SKI: variants seen among roughly 807,000 people sequenced by gnomAD.
SKI encodes ski oncogene.
SKI carries 23 observed loss-of-function variants against 59.3 expected under a neutral mutation model. The ratio of observed to expected loss-of-function variants is 0.39; its 90% confidence interval spans 0.28 to 0.55. The LOEUF (loss-of-function observed/expected upper bound fraction) is 0.55, where lower values mean the gene tolerates loss of function less well. Ranked by LOEUF, SKI falls within the 20% of genes least tolerant of loss-of-function variation. The probability of loss-of-function intolerance (pLI) is 0.67; values close to 1 mark genes in which losing one functional copy is unlikely to be tolerated. For missense variants in SKI, 1,017 were observed against 1,038.9 expected (o/e 0.98, Z 0.29); for synonymous variants, 673 against 488.6 (o/e 1.38, Z -4.98).
At chr1:2,252,844 C>T (rs1176702683) in intron 1 of SKI, among the ~76,000 whole-genome samples, 1 of 152,112 alleles carries the variant, frequency 6.6e-6, no homozygotes, top group East Asian at 1.9e-4. Context: ...CCTGTAATCC[C>T]AGCACTTTTG....
At chr1:2,279,962 G>A (rs1639835738) in intron 1 of SKI, among the ~76,000 whole-genome samples, 1 of 152,144 alleles carries the variant, frequency 6.6e-6, no homozygotes, top group Non-Finnish European at 1.5e-5. Context: ...GTTAAAACAT[G>A]GGTTAAATTG....
intron 1 of SKI, among the ~76,000 whole-genome samples, chr1:2,291,242 G>T (rs1341446440): frequency 6.6e-6 from 1 of 152,256 alleles, no homozygotes. Context: ...ATTCGCCCCA[G>T]TGTGTCCCCT....
At position 2,289,202 on chromosome 1, in the gene SKI, T is replaced by C. The variant is rs561051714; in HGVS notation, c.970-13776T>C. 8.5e-5 allele frequency among the ~76,000 whole-genome samples: 13 copies of C among 152,274 alleles called. No individual in the cohort carries two copies. The South Asian group carries it at 2.1e-3, about 24-fold the overall frequency. On this transcript the variant is annotated intron_variant, in intron 1 of 6. Coordinates refer to ENST00000378536, the MANE Select transcript of SKI (RefSeq NM_003036.4). Reference sequence around the variant, plus strand: ...GGCTAGAGATGCAGCTCCTCTGTTATGTTGAGCCTCTCTAGGCAGGGAGCT... The same window carrying C: ...GGCTAGAGATGCAGCTCCTCTGTTACGTTGAGCCTCTCTAGGCAGGGAGCT...
At chr1:2,262,852 C>T (rs1639417705) in intron 1 of SKI, among the ~76,000 whole-genome samples, 1 of 152,062 alleles carries the variant, frequency 6.6e-6, no homozygotes, top group Non-Finnish European at 1.5e-5. Context: ...GGGATAGCCC[C>T]CCTTCAGTCG....
Position 2,306,587 on chromosome 1 carries a change from T to G in SKI, c.2009T>G (p.Leu670Arg), listed in dbSNP as rs1060502673. Residue 670 changes from leucine (L) to arginine (R), a missense_variant, in exon 7 of 7, where the codon CTG (leucine) becomes CGG (arginine). Coordinates refer to ENST00000378536, the MANE Select transcript of SKI (RefSeq NM_003036.4). ...TCGGCTCCCTTTCAGATCGAAGACCTGCAGGTGAAGCTGCAGCACGCGGAG... is the reference window on the plus strand; with the variant it reads ...TCGGCTCCCTTTCAGATCGAAGACCGGCAGGTGAAGCTGCAGCACGCGGAG... ...RAKYSAQIED[L>R]QVKLQHAEAD... The G allele has an allele frequency of 1.9e-6, 3 of 1,542,918 alleles. No individual in the cohort carries two copies. Among genetic ancestry groups the G allele is most frequent in the Non-Finnish European group, 2.6e-6 (3 of 1,145,480 alleles).
intron 1 of SKI, among the ~76,000 whole-genome samples, chr1:2,284,083 G>A (rs372944508): frequency 2.6e-5 from 4 of 152,102 alleles, no homozygotes; most frequent in African/African-American, 4.8e-5. Context: ...GCCATCCCCC[G>A]TCCATGAATG....
At chr1:2,283,820 G>A (rs1203951265) in intron 1 of SKI, among the ~76,000 whole-genome samples, 1 of 152,236 alleles carries the variant, frequency 6.6e-6, no homozygotes, top group Non-Finnish European at 1.5e-5. Context: ...ATGTTGTGTC[G>A]GTTTTCATGG....
At chr1:2,295,702 C>T (rs994659570) in intron 1 of SKI, among the ~76,000 whole-genome samples, 1 of 151,674 alleles carries the variant, frequency 6.6e-6, no homozygotes, top group Non-Finnish European at 1.5e-5. Context: ...GACTGTGTGT[C>T]CGGGCCACGT....
At chr1:2,290,986 T>TGGCA (rs1640150928) in intron 1 of SKI, among the ~76,000 whole-genome samples, 1 of 152,138 alleles carries the variant, frequency 6.6e-6, no homozygotes, top group African/African-American at 2.4e-5. Context: ...TTGGCGAGGG[T>TGGCA]GGCAGGCAGC....
At chr1:2,235,245 T>C (rs1470935682) in intron 1 of SKI, among the ~76,000 whole-genome samples, 2 of 152,286 alleles carry the variant, frequency 1.3e-5, no homozygotes, top group Middle Eastern at 3.4e-3. Context: ...GGTTTCACCA[T>C]GTTGGCCAGC....
chr1:2,256,216 C>CTG (rs1419979353), intron 1 of SKI, among the ~76,000 whole-genome samples: 2 of 151,878 alleles, frequency 1.3e-5, no homozygotes, highest in Non-Finnish European at 1.5e-5. Context: ...CTGGAGCACT[C>CTG]TGTCCTGACC....
chr1:2,306,504 C>G, intron 6 of SKI, 73 bp from the exon 7 acceptor site: 2 of 1,451,508 alleles, frequency 1.4e-6, no homozygotes, highest in Non-Finnish European at 1.9e-6. Context: ...GCAGGAGCCT[C>G]GGGTGGGGGA....
Position 2,278,778 on chromosome 1 carries a change from C to A in SKI, c.970-24200C>A, listed in dbSNP as rs116423318. 2.6e-5 allele frequency among the ~76,000 whole-genome samples: 4 copies of A among 152,160 alleles called. No homozygotes were observed. In the South Asian group the frequency reaches 6.2e-4, roughly 24 times the overall value. On this transcript the variant is annotated intron_variant, in intron 1 of 6. Coordinates refer to ENST00000378536, the MANE Select transcript of SKI (RefSeq NM_003036.4). Reference sequence around the variant, plus strand: ...CTGGATGCCGTGGCCTGCAGACCCCCCTTCTTGCAGTCCCTGGGCAGGCAG... The same window carrying A: ...CTGGATGCCGTGGCCTGCAGACCCCACTTCTTGCAGTCCCTGGGCAGGCAG...
chr1:2,302,924 AG>A, intron 1 of SKI, 53 bp from the exon 2 acceptor site: 3 of 1,612,118 alleles, frequency 1.9e-6, no homozygotes, highest in Non-Finnish European at 2.5e-6. Context: ...GGGCTGGTGG[AG>A]GGACCCTGCC....
chr1:2,230,720 TC>T, intron 1 of SKI, among the ~76,000 whole-genome samples: 1 of 152,324 alleles, frequency 6.6e-6, no homozygotes, highest in East Asian at 1.9e-4. Context: ...TTGTAACTTT[TC>T]TTTTAAATAT....
rs1553201577 is a variant in SKI, at chr1:2,306,749, C to T, written c.2171C>T (p.Ala724Val). 1.3e-6 allele frequency: 2 copies of T among 1,523,896 alleles called. No individual in the cohort carries two copies. The highest frequency in any genetic ancestry group is 1.4e-5 in the African/African-American group (1 of 70,210). The allele number at this position is 1,523,896 out of a possible 1,614,324, so 94.4% of individuals were successfully genotyped here. Residue 724 changes from alanine to valine, a missense_variant, in exon 7 of 7, where the codon GCG becomes GTG. Ala to Val is a moderately conservative substitution (Grantham distance 64). Transcript: ENST00000378536. ...RPEAAGSEGA[A>V]ELEP Reference sequence around the variant, plus strand: ...GAGGCTGCGGGCAGCGAGGGCGCTGCGGAGCTGGAGCCGTAGATTCCGTGC... The same window carrying T: ...GAGGCTGCGGGCAGCGAGGGCGCTGTGGAGCTGGAGCCGTAGATTCCGTGC...
intron 1 of SKI, among the ~76,000 whole-genome samples, chr1:2,256,963 G>T (rs182201319): frequency 6.6e-6 from 1 of 152,290 alleles, no homozygotes; most frequent in Admixed American, 6.5e-5. Flanking sequence ...TGCTCCCTAG[G>T]GCTGGACGTT....
rs534534753 is a variant in SKI, at chr1:2,239,904, C to A, written c.969+10169C>A. ...CTGCTCCCCACTGCTGCTTCAGCTGCGTCCTTTGCGGGTCCCCGTAACTTC... is the reference window on the plus strand; with the variant it reads ...CTGCTCCCCACTGCTGCTTCAGCTGAGTCCTTTGCGGGTCCCCGTAACTTC... On this transcript the variant is annotated intron_variant, in intron 1 of 6. Coordinates refer to ENST00000378536, the MANE Select transcript of SKI (RefSeq NM_003036.4). Among the ~76,000 whole-genome samples, 180 of 152,364 alleles carry A rather than the reference C, an allele frequency of 1.2e-3. 1 individual carries two copies. The highest frequency in any genetic ancestry group is 4.1e-3 in the African/African-American group (172 of 41,586).
At position 2,229,347 on chromosome 1, in the gene SKI, C is replaced by T; in HGVS notation, c.581C>T (p.Ala194Val). The part of the protein sequence containing the change: ...RLCNALLYGG[A>V]YPPPCKKELA... The stretch of plus-strand genomic sequence containing the variant: ...TGCAACGCGCTGCTCTACGGCGGCG[C>T]CTACCCGCCGCCCTGCAAGAAGGAG... The change falls in exon 1 of 7, where the codon GCC becomes GTC. Residue 194 changes from alanine (A) to valine (V), a missense_variant. By Grantham distance (64) the Ala-to-Val change is moderately conservative. Coordinates refer to ENST00000378536, the MANE Select transcript of SKI (RefSeq NM_003036.4). The surrounding 1 kb of genome is among the most constrained non-coding windows in gnomAD (Gnocchi z 6.3). 6.3e-7 allele frequency: 1 copy of T among 1,595,518 alleles called. No homozygotes were observed. The highest frequency in any genetic ancestry group is 8.5e-7 in the Non-Finnish European group (1 of 1,171,468).
Sources: allele counts gnomAD v4.1 joint callset (sites outside exome capture counted in the v4.1 genomes callset), GRCh38; gene constraint gnomAD v4.1.1; non-coding constraint Gnocchi (gnomAD v3.1); transcripts MANE v1.5; gene names NCBI Gene and HGNC (gene_info 2026-07-23, HGNC 2026-07-21).